The following KLF5 variants were observed in gnomAD, a reference collection of about 807,000 sequenced individuals.
KLF5 encodes the protein KLF transcription factor 5.
Under a neutral mutation model 36.9 loss-of-function variants are expected in KLF5, and 9 were observed. The ratio of observed to expected loss-of-function variants is 0.24; its 90% confidence interval spans 0.15 to 0.43. The LOEUF (loss-of-function observed/expected upper bound fraction) is 0.43. Ranked by LOEUF, KLF5 falls within the 20% of genes least tolerant of loss-of-function variation. The probability of loss-of-function intolerance (pLI) is 1.00; values close to 1 mark genes in which losing one functional copy is unlikely to be tolerated. For synonymous variants in KLF5, 246 were observed against 241.7 expected, an observed-to-expected ratio of 1.02 and a Z score of -0.17; for missense variants, 524 against 599.5, an observed-to-expected ratio of 0.87 and a Z score of 1.31.
rs1317294018 is a variant in KLF5, at chr13:73,062,687, G to C, written c.1088G>C (p.Ser363Thr). 1 of 1,614,170 alleles carries C rather than the reference G, an allele frequency of 6.2e-7. No homozygotes were observed. The highest frequency in any genetic ancestry group is 1.1e-5 in the South Asian group (1 of 91,088). The change falls in exon 2 of 4, where the codon AGT (serine) becomes ACT (threonine). Residue 363 changes from serine to threonine, a missense_variant. Coordinates refer to ENST00000377687, the MANE Select transcript of KLF5 (RefSeq NM_001730.5). ...CAACCTGTCAGATACAATAGAAGGAGTAACCCCGATTTGGAGAAACGACGC... is the reference window on the plus strand; with the variant it reads ...CAACCTGTCAGATACAATAGAAGGACTAACCCCGATTTGGAGAAACGACGC... Reference protein sequence around the residue: ...NIQPVRYNRRSNPDLEKRRIH... With the variant: ...NIQPVRYNRRTNPDLEKRRIH...
chr13:73,072,750 T>TTTACC (rs1342367730), intron 3 of KLF5, among the ~76,000 whole-genome samples: 1 of 152,192 alleles, frequency 6.6e-6, no homozygotes, highest in Non-Finnish European at 1.5e-5. Flanking sequence ...CCCTTTTCCT[T>TTTACC]TTACCGGTAA....
intron 3 of KLF5, among the ~76,000 whole-genome samples, chr13:73,064,373 G>A (rs1263647825): frequency 2.6e-5 from 4 of 152,122 alleles, no homozygotes; most frequent in Admixed American, 1.3e-4. Flanking sequence ...CTTGATGAAA[G>A]GTAGTGCTGA....
Position 73,059,035 on chromosome 13 carries a change from T to C in KLF5, c.-293T>C. The C allele has an allele frequency of 3.5e-6, 1 of 287,684 alleles. No individual in the cohort carries two copies. Among genetic ancestry groups the C allele is most frequent in the East Asian group, 5.6e-5 (1 of 17,702 alleles). The allele number at this position is 287,684 out of a possible 1,614,324, so 17.8% of individuals were successfully genotyped here. A position where few individuals can be genotyped will look rare whatever the true frequency, so the allele number is the denominator to read the frequency against. ...CGGGGCAGGTACGTGCGCTCGCGGT[T>C]CTCTCGCGGAGGTCGGCGGTGGCGG... On this transcript the variant is annotated 5_prime_UTR_variant, in exon 1 of 4. Coordinates refer to ENST00000377687, the MANE Select transcript of KLF5 (RefSeq NM_001730.5).
At chr13:73,074,134 T>C (rs894370760) in intron 3 of KLF5, among the ~76,000 whole-genome samples, 2 of 152,218 alleles carry the variant, frequency 1.3e-5, no homozygotes, top group African/African-American at 4.8e-5. Flanking sequence ...ACCACTTTCA[T>C]GTCGTCTGTT....
At chr13:73,072,408 C>T (rs914045303) in intron 3 of KLF5, among the ~76,000 whole-genome samples, 2 of 152,212 alleles carry the variant, frequency 1.3e-5, no homozygotes, top group Admixed American at 1.3e-4. Flanking sequence ...GAGGCTGGCA[C>T]TGCCAGGTTG....
At chr13:73,064,696 A>C (rs944736286) in intron 3 of KLF5, among the ~76,000 whole-genome samples, 1 of 151,936 alleles carries the variant, frequency 6.6e-6, no homozygotes, top group Non-Finnish European at 1.5e-5. Context: ...GGCCCCCACC[A>C]CCATGCCCAG....
chr13:73,059,776 G>GT (rs1330591122), intron 1 of KLF5, 188 bp downstream of exon 1: 1 of 548,284 alleles, frequency 1.8e-6, no homozygotes, highest in Non-Finnish European at 2.1e-6. Flanking sequence ...AGAGTAAATG[G>GT]GGGGGGGGGC....
Position 73,076,167 on chromosome 13 carries a change from G to C in KLF5, c.*281G>C, listed in dbSNP as rs569336559. 8 of 293,326 alleles carry C rather than the reference G, an allele frequency of 2.7e-5. No homozygotes were observed. The highest frequency in any genetic ancestry group is 5.0e-5 in the Non-Finnish European group (8 of 160,022). The allele number at this position is 293,326 out of a possible 1,614,324, so 18.2% of individuals were successfully genotyped here. A position where few individuals can be genotyped will look rare whatever the true frequency, so the allele number is the denominator to read the frequency against. ...CCACGTCTCAACATGGGTAAGGGGT[G>C]GGGGTGGAGGGGAGTGTGTGCAGCG... is the stretch of plus-strand genomic sequence containing the variant. On this transcript the variant is annotated 3_prime_UTR_variant, in exon 4 of 4. Transcript: ENST00000377687.
At position 73,062,408 on chromosome 13, in the gene KLF5, T is replaced by C; in HGVS notation, c.809T>C (p.Val270Ala). Reference sequence around the variant, plus strand: ...GGCCTTAACACACACACCTCTGCTGTTCCGCAGACTGCAGTGAAACAATTC... The same window carrying C: ...GGCCTTAACACACACACCTCTGCTGCTCCGCAGACTGCAGTGAAACAATTC... ...MAGLNTHTSA[V>A]PQTAVKQFQG... Residue 270 changes from valine to alanine, a missense_variant, in exon 2 of 4, where the codon GTT (valine) becomes GCT (alanine). Around this residue, in one of 4 missense-constraint regions of KLF5, gnomAD observed 454 missense variants for 458.1 expected, o/e 0.99. Transcript: ENST00000377687. 1 of 1,614,182 alleles carries C rather than the reference T, an allele frequency of 6.2e-7. No individual in the cohort carries two copies.
chr13:73,060,244 C>CAGTT (rs1464711176), intron 1 of KLF5, among the ~76,000 whole-genome samples: 4 of 151,366 alleles, frequency 2.6e-5, no homozygotes, highest in Admixed American at 6.6e-5. Flanking sequence ...TGAAAGCTGG[C>CAGTT]AGTTGGCTTT....
In KLF5 at chr13:73,062,145, G is replaced by A. The variant is rs1273023827; in HGVS notation, c.546G>A (p.Pro182=). 1 of 1,613,968 alleles carries A rather than the reference G, an allele frequency of 6.2e-7. No individual in the cohort carries two copies. Among genetic ancestry groups the A allele is most frequent in the Non-Finnish European group, 8.5e-7 (1 of 1,179,998 alleles). ...AAACGACTGCCCCTCCTCCGGCCCC[G>A]ACCCAGGCCCTCCCTGAGTTCACCA... ...QSETTAPPPA[P]TQALPEFTSI... The change falls in exon 2 of 4, where the codon CCG becomes CCA. Residue 182 remains proline (P), a synonymous_variant. Transcript: ENST00000377687.
chr13:73,065,768 C>T (rs9543220), intron 3 of KLF5, among the ~76,000 whole-genome samples: 2 of 152,012 alleles, frequency 1.3e-5, no homozygotes, highest in Non-Finnish European at 2.9e-5. Context: ...ACACATTTTC[C>T]TGGGTTTAAA....
upstream of KLF5, among the ~76,000 whole-genome samples, chr13:73,058,550 A>G (rs2044598270): frequency 6.6e-6 from 1 of 152,242 alleles, no homozygotes; most frequent in Non-Finnish European, 1.5e-5. Flanking sequence ...AATCTCTAAA[A>G]GCCTCAGCGC....
At chr13:73,064,668 C>T (rs899402143) in intron 3 of KLF5, among the ~76,000 whole-genome samples, 4 of 152,198 alleles carry the variant, frequency 2.6e-5, no homozygotes, top group African/African-American at 7.2e-5. Flanking sequence ...TTCAGCCTCC[C>T]GAGTAGCTGG....
At chr13:73,072,491 C>T (rs925316572) in intron 3 of KLF5, among the ~76,000 whole-genome samples, 13 of 152,276 alleles carry the variant, frequency 8.5e-5, no homozygotes, top group Admixed American at 3.3e-4. Context: ...AGCTGACCTT[C>T]GCAAGTGGCT....
Position 73,072,579 on chromosome 13 carries a change from A to G in KLF5, c.1196-3129A>G, listed in dbSNP as rs554829712. Among the ~76,000 whole-genome samples the G allele has an allele frequency of 8.5e-5, 13 of 152,324 alleles. No individual in the cohort carries two copies. The East Asian group carries it at 2.3e-3, about 27-fold the overall frequency. On this transcript the variant is annotated intron_variant, in intron 3 of 3. Transcript: ENST00000377687. ...AAAGAGAGTGTATTAGTGTTTGCTA[A>G]TGGAAGATTTAAGTGAGACATTAAG...
intron 3 of KLF5, among the ~76,000 whole-genome samples, chr13:73,070,703 G>T (rs1183125322): frequency 1.3e-5 from 2 of 152,178 alleles, no homozygotes; most frequent in Non-Finnish European, 2.9e-5. Context: ...AGTGCTAGGG[G>T]CTCTAGTATG....
intron 1 of KLF5, 59 bp from the exon 2 acceptor site, chr13:73,061,802 C>A: frequency 6.6e-7 from 1 of 1,525,432 alleles, no homozygotes; most frequent in Admixed American, 1.8e-5. Context: ...GCCGATTGTT[C>A]GTTCTTCCCG....
At chr13:73,066,576 G>A (rs900165818) in intron 3 of KLF5, among the ~76,000 whole-genome samples, 1 of 152,138 alleles carries the variant, frequency 6.6e-6, no homozygotes, top group Admixed American at 6.5e-5. Context: ...GCTTTAAAAT[G>A]TCAAGTTACC....
Sources: allele counts gnomAD v4.1 joint callset (sites outside exome capture counted in the v4.1 genomes callset), GRCh38; gene constraint gnomAD v4.1.1; regional missense constraint gnomAD v4.1.1; transcripts MANE v1.5; gene names NCBI Gene and HGNC (gene_info 2026-07-23, HGNC 2026-07-21).